The following COL4A6 variants were observed in gnomAD, a reference collection of about 807,000 sequenced individuals.
COL4A6 encodes collagen type IV alpha 6 chain, also known as collagen alpha-6(IV) chain.
COL4A6 carries 59 observed loss-of-function variants against 126.7 expected under a neutral mutation model. The observed-to-expected ratio is 0.47, with a 90% CI of 0.38 to 0.58. The LOEUF (loss-of-function observed/expected upper bound fraction) is 0.58. Ranked by LOEUF, COL4A6 falls within the 20% of genes least tolerant of loss-of-function variation. The pLI is 0.00. For missense variants in COL4A6, 1,285 were observed against 1,337.3 expected, an observed-to-expected ratio of 0.96 and a Z score of 0.61; for synonymous variants, 547 against 496.6, an observed-to-expected ratio of 1.10 and a Z score of -1.35.
At chrX:108,398,120 G>A (rs961981156) in intron 2 of COL4A6, among the ~76,000 whole-genome samples, 14 of 112,090 alleles carry the variant, frequency 1.2e-4, no homozygotes, top group African/African-American at 4.2e-4. Context: ...CATTTGGTAG[G>A]TCAAAAAGTA....
chrX:108,241,550 A>AATATATATAT (rs764751621), intron 3 of COL4A6, among the ~76,000 whole-genome samples: 7 of 96,773 alleles, frequency 7.2e-5, no homozygotes, highest in African/African-American at 2.6e-4. Flanking sequence ...TATAATAGTA[A>AATATATATAT]ATATATATAT....
At chrX:108,401,073 C>T (rs1404073838) in intron 2 of COL4A6, among the ~76,000 whole-genome samples, 1 of 111,327 alleles carries the variant, frequency 9.0e-6, no homozygotes, top group East Asian at 2.8e-4. Context: ...GTATGCAATA[C>T]AGATTTCACT....
At chrX:108,277,731 A>G (rs1428007589) in intron 3 of COL4A6, among the ~76,000 whole-genome samples, 6 of 111,419 alleles carry the variant, frequency 5.4e-5, no homozygotes, top group Non-Finnish European at 9.5e-5. Context: ...GCCTAACTGG[A>G]AGGCACCCCC....
upstream of COL4A6, chrX:108,439,358 T>C: frequency 1.2e-6 from 1 of 820,172 alleles, no homozygotes; most frequent in Non-Finnish European, 1.7e-6. Flanking sequence ...ATTTTCTTAC[T>C]TGTTTATAAG....
intron 20 of COL4A6, 53 bp downstream of exon 20, chrX:108,190,339 A>G: frequency 1.2e-6 from 1 of 855,792 alleles, no homozygotes; most frequent in Non-Finnish European, 1.7e-6. Context: ...ATTCCCCAGG[A>G]AGCCTTCTCT....
Position 108,192,481 on chromosome X carries a change from G to A in COL4A6, c.1172C>T (p.Ala391Val), listed in dbSNP as rs1393862332. The A allele has an allele frequency of 2.8e-5, 34 of 1,202,438 alleles. No homozygotes were observed. The highest frequency in any genetic ancestry group is 3.7e-5 in the Non-Finnish European group (33 of 889,120). Residue 391 changes from alanine (A) to valine (V), a missense_variant, in exon 18 of 45, where the codon GCA (alanine) becomes GTA (valine). Ala to Val is a moderately conservative substitution (Grantham distance 64). Coordinates refer to ENST00000334504, the MANE Select transcript of COL4A6 (RefSeq NM_033641.4). ...RGPSGVPGLP[A>V]LSGVPGALGP... ...GGGTTAGTTTTTTTCACCTGATAATGCTGGCAATCCAGGGACACCAGAAGG... is the reference window on the plus strand; with the variant it reads ...GGGTTAGTTTTTTTCACCTGATAATACTGGCAATCCAGGGACACCAGAAGG...
chrX:108,368,156 G>C lies in COL4A6; in HGVS notation c.64-57328C>G, dbSNP rs139025074. ...TGTGTTGTTAGGCAATTTCATTTAG[G>C]TTTATACAAACCTAAATGGTATAGC... On this transcript the variant is annotated intron_variant, in intron 2 of 44. Transcript: ENST00000334504. 6.2e-3 allele frequency among the ~76,000 whole-genome samples: 681 copies of C among 108,997 alleles called. 2 individuals are homozygous for C. The highest frequency in any genetic ancestry group is 0.037 in the East Asian group (127 of 3,455). The allele number at this position is 108,997 out of a possible 115,157, so 94.7% of individuals were successfully genotyped here.
intron 30 of COL4A6, 95 bp downstream of exon 30, chrX:108,174,995 G>C: frequency 9.6e-7 from 1 of 1,043,500 alleles, no homozygotes; most frequent in Non-Finnish European, 1.3e-6. Context: ...TGGCGATGGG[G>C]GGCTGTACTT....
intron 3 of COL4A6, among the ~76,000 whole-genome samples, chrX:108,254,919 A>G (rs2036954548): frequency 9.1e-6 from 1 of 109,467 alleles, no homozygotes; most frequent in African/African-American, 3.3e-5. Context: ...TAGTGGAGTA[A>G]AACATTTTAT....
chrX:108,251,891 T>A (rs758670152), intron 3 of COL4A6, among the ~76,000 whole-genome samples: 2 of 111,822 alleles, frequency 1.8e-5, no homozygotes, highest in Non-Finnish European at 3.8e-5. Context: ...GGGTACAGTG[T>A]GATGTTTCAA....
rs1467570000 is a variant in COL4A6 at position 108,206,570 on chromosome X, C to T, written c.557G>A (p.Gly186Glu). The stretch of plus-strand genomic sequence containing the variant: ...TACAGCTCCAGGAAATCCGGGTGCT[C>T]CTTGTGGGCCCTAGAGAGGCAAGTT... ...PGLDGITGPQ[G>E]APGFPGAVGP... The change falls in exon 9 of 45, where the codon GGA becomes GAA. Residue 186 changes from glycine (G) to glutamate (E), a missense_variant. Gly to Glu is a moderately conservative substitution (Grantham distance 98). Transcript: ENST00000334504. 5.8e-6 allele frequency: 7 copies of T among 1,207,734 alleles called. No homozygotes were observed. Among genetic ancestry groups the T allele is most frequent in the African/African-American group, 1.8e-5 (1 of 56,911 alleles).
intron 2 of COL4A6, among the ~76,000 whole-genome samples, chrX:108,364,875 A>T (rs1569444112): frequency 9.0e-6 from 1 of 111,262 alleles, no homozygotes; most frequent in Non-Finnish European, 1.9e-5. Context: ...GGTTGATTCC[A>T]TATCTTGGCT....
At chrX:108,390,340 A>T (rs1393729720) in intron 2 of COL4A6, among the ~76,000 whole-genome samples, 1 of 110,222 alleles carries the variant, frequency 9.1e-6, no homozygotes, top group Non-Finnish European at 1.9e-5. Context: ...ACTTGGTTTC[A>T]TTCTCCCCAT....
At chrX:108,393,391 A>G (rs2040881030) in intron 2 of COL4A6, among the ~76,000 whole-genome samples, 1 of 112,378 alleles carries the variant, frequency 8.9e-6, no homozygotes, top group East Asian at 2.8e-4. Flanking sequence ...AAAAGACTAC[A>G]TACTGTATGG....
chrX:108,195,748 G>A (rs1343726270), intron 14 of COL4A6, among the ~76,000 whole-genome samples: 1 of 111,762 alleles, frequency 8.9e-6, no homozygotes, highest in East Asian at 2.8e-4. Flanking sequence ...TAGATTATGG[G>A]AGGGCCTCGT....
At chrX:108,409,956 T>C (rs1162102362) in intron 2 of COL4A6, among the ~76,000 whole-genome samples, 2 of 111,715 alleles carry the variant, frequency 1.8e-5, no homozygotes, top group Non-Finnish European at 3.8e-5. Flanking sequence ...CTTGAAGTCT[T>C]CCCCGGAATC....
chrX:108,333,433 A>C (rs1390365368), intron 2 of COL4A6, among the ~76,000 whole-genome samples: 1 of 111,407 alleles, frequency 9.0e-6, no homozygotes, highest in Non-Finnish European at 1.9e-5. Context: ...AATAAAAGCC[A>C]TACCTGACAA....
chrX:108,371,830 T>A (rs1377221221), intron 2 of COL4A6, among the ~76,000 whole-genome samples: 5 of 87,821 alleles, frequency 5.7e-5, no homozygotes, highest in African/African-American at 2.3e-4. Flanking sequence ...TGGATCAATG[T>A]AGCATGACAG....
chrX:108,193,082 C>T (rs992747975), intron 17 of COL4A6, among the ~76,000 whole-genome samples: 1 of 111,745 alleles, frequency 8.9e-6, no homozygotes, highest in African/African-American at 3.3e-5. Context: ...GCTGGAGATA[C>T]TGGGCATCTC....
Sources: gnomAD v4.1 joint callset for allele counts (sites outside exome capture counted in the v4.1 genomes callset) on GRCh38, gnomAD v4.1.1 for gene constraint, MANE v1.5 for transcripts, NCBI Gene and HGNC (gene_info 2026-07-23, HGNC 2026-07-21) for gene names.